The following THNSL1 variants were observed in gnomAD, a reference collection of about 807,000 sequenced individuals.
THNSL1 encodes threonine synthase like 1.
THNSL1 carries 48 observed loss-of-function variants against 50.4 expected under a neutral mutation model. The ratio of observed to expected loss-of-function variants is 0.95; its 90% CI spans 0.76 to 1.21. THNSL1 has a LOEUF of 1.21. Ranked by LOEUF, THNSL1 falls within the 50% of genes most tolerant of loss-of-function variation. THNSL1 has a pLI of 0.00. For missense variants in THNSL1, 896 were observed against 871.7 expected (o/e 1.03, Z -0.35); for synonymous variants, 309 against 306.1 (o/e 1.01, Z -0.10).
upstream of THNSL1, chr10:25,016,029 T>C: frequency 1.3e-6 from 2 of 1,509,822 alleles, no homozygotes; most frequent in Non-Finnish European, 1.8e-6. Flanking sequence ...TCCCCTTTCT[T>C]TCTTCTTCGC....
intron 1 of THNSL1, among the ~76,000 whole-genome samples, chr10:25,020,343 G>A (rs114194063): frequency 4.5e-4 from 68 of 151,798 alleles, no homozygotes; most frequent in African/African-American, 1.6e-3. Flanking sequence ...AGGGTAGAGG[G>A]GAACTAACAT....
upstream of THNSL1, chr10:25,015,954 T>A: frequency 1.9e-6 from 3 of 1,601,718 alleles, no homozygotes; most frequent in Non-Finnish European, 2.6e-6. Context: ...AAATGACTCC[T>A]TAAAAGCTAC....
Position 25,023,621 on chromosome 10 carries a change from G to T in THNSL1, c.398G>T (p.Gly133Val), listed in dbSNP as rs1850769304. The change falls in exon 3 of 3, where the codon GGG becomes GTG. Residue 133 changes from glycine (G) to valine (V), a missense_variant. By Grantham distance (109) the Gly-to-Val change is moderately radical. Coordinates refer to ENST00000376356, the MANE Select transcript of THNSL1 (RefSeq NM_024838.5). The stretch of plus-strand genomic sequence containing the variant: ...TCTGGAAGTGTGATTTCCCTTACTG[G>T]GTCCAATCCAATGCATGATGCTAGC... Reference protein sequence around the residue: ...SASGSVISLTGSNPMHDASMW... With the variant: ...SASGSVISLTVSNPMHDASMW... The T allele has an allele frequency of 1.2e-6, 2 of 1,613,978 alleles. No individual in the cohort carries two copies. The highest frequency in any genetic ancestry group is 1.3e-5 in the African/African-American group (1 of 74,910).
At chr10:24,985,900 G>A in the THNSL1 span, among the ~76,000 whole-genome samples, 10 of 152,052 alleles carry the variant, frequency 6.6e-5, no homozygotes, top group East Asian at 3.9e-4. Flanking sequence ...AAACCCTGTC[G>A]CTACAAAAAA....
At chr10:24,996,281 G>C in the THNSL1 span, among the ~76,000 whole-genome samples, 1 of 152,158 alleles carries the variant, frequency 6.6e-6, no homozygotes, top group Non-Finnish European at 1.5e-5. Context: ...AGTTAGCCAA[G>C]CATGATAGTG....
the THNSL1 span, among the ~76,000 whole-genome samples, chr10:25,009,092 A>T: frequency 1.3e-4 from 20 of 151,454 alleles, no homozygotes; most frequent in African/African-American, 4.3e-4. Context: ...AACATCACAC[A>T]CCGGGGACTG....
Position 25,024,142 on chromosome 10 carries a change from G to C in THNSL1, c.919G>C (p.Ala307Pro). ...ATGTATCCATCCTGCAGACATACCT[G>C]CTGCCAGGTTGGGAGAAATGATTGA... ...ERCIHPADIP[A>P]ARLGEMIETA... The change falls in exon 3 of 3, where the codon GCT becomes CCT. Residue 307 changes from alanine (A) to proline (P), a missense_variant. Physicochemically the swap from Ala to Pro is conservative, Grantham distance 27. Coordinates refer to ENST00000376356, the MANE Select transcript of THNSL1 (RefSeq NM_024838.5). 6.2e-7 allele frequency: 1 copy of C among 1,614,178 alleles called. No individual in the cohort carries two copies. Among genetic ancestry groups the C allele is most frequent in the Non-Finnish European group, 8.5e-7 (1 of 1,180,020 alleles).
the THNSL1 span, among the ~76,000 whole-genome samples, chr10:24,967,728 G>GTGTATGATGTGTGTA: frequency 2.0e-5 from 3 of 151,624 alleles, no homozygotes; most frequent in African/African-American, 7.3e-5. Context: ...TGTGATATGT[G>GTGTATGATGTGTGTA]TGTATGATGT....
chr10:25,022,300 A>G (rs908765849), intron 2 of THNSL1, among the ~76,000 whole-genome samples: 5 of 152,184 alleles, frequency 3.3e-5, no homozygotes, highest in African/African-American at 1.2e-4. Context: ...ATCATTGGAA[A>G]CATTCCTGAG....
At chr10:24,989,167 A>C in the THNSL1 span, among the ~76,000 whole-genome samples, 2 of 152,190 alleles carry the variant, frequency 1.3e-5, no homozygotes, top group Non-Finnish European at 1.5e-5. Context: ...GTACTTTCTG[A>C]AAATGGGAAA....
chr10:24,990,032 T>C, the THNSL1 span, among the ~76,000 whole-genome samples: 4 of 152,274 alleles, frequency 2.6e-5, no homozygotes, highest in South Asian at 2.1e-4. Flanking sequence ...ATTTGCCTTA[T>C]AGGAAAGGAA....
upstream of THNSL1, among the ~76,000 whole-genome samples, chr10:25,014,763 C>G (rs1405032838): frequency 2.0e-5 from 3 of 152,136 alleles, no homozygotes; most frequent in Admixed American, 1.3e-4. Flanking sequence ...TCTTTCCAGT[C>G]TCTAGATGTT....
Position 25,026,544 on chromosome 10 carries a change from C to T in THNSL1, c.*1089C>T. On this transcript the variant is annotated 3_prime_UTR_variant, in exon 3 of 3. Transcript: ENST00000376356. ...CATTGTCTTTTTCTGGCAGCTGAAACTGCACACAACTGATACACATATTTA... is the reference window on the plus strand; with the variant it reads ...CATTGTCTTTTTCTGGCAGCTGAAATTGCACACAACTGATACACATATTTA... 1 of 166,870 alleles carries T rather than the reference C, an allele frequency of 6.0e-6. No homozygotes were observed. 10.3% of individuals were successfully genotyped at this position (166,870 alleles called of 1,614,324 possible). A position where few individuals can be genotyped will look rare whatever the true frequency, so the allele number is the denominator to read the frequency against.
rs1189220048 is a variant in THNSL1, at chr10:25,026,052, T to A, written c.*597T>A. ...CAACACCACACATGGCTAATTTTTT[T>A]ATTTTTAATAGAGATGAGGTTTCGC... On this transcript the variant is annotated 3_prime_UTR_variant, in exon 3 of 3. Transcript: ENST00000376356. 5 of 153,526 alleles carry A rather than the reference T, an allele frequency of 3.3e-5. No individual in the cohort carries two copies. Among genetic ancestry groups the A allele is most frequent in the Admixed American group, 6.5e-5 (1 of 15,298 alleles). The allele number at this position is 153,526 out of a possible 1,614,324, so 9.5% of individuals were successfully genotyped here.
the THNSL1 span, chr10:24,952,579 T>A: frequency 1.9e-6 from 3 of 1,569,816 alleles, no homozygotes; most frequent in South Asian, 3.5e-5. This position sits in a 1 kb window ranked among gnomAD's most constrained non-coding sequence, Gnocchi z 5.1. Flanking sequence ...CGGCCATGTT[T>A]CTCCCGGGGA....
At chr10:24,973,820 C>T in the THNSL1 span, among the ~76,000 whole-genome samples, 3 of 152,006 alleles carry the variant, frequency 2.0e-5, no homozygotes, top group African/African-American at 7.2e-5. Flanking sequence ...GTGGCATGAT[C>T]TCAGCTCACT....
At chr10:24,990,305 G>C in the THNSL1 span, among the ~76,000 whole-genome samples, 1 of 152,208 alleles carries the variant, frequency 6.6e-6, no homozygotes, top group Non-Finnish European at 1.5e-5. Flanking sequence ...TCTCTCCAAA[G>C]AGTCAGCTTT....
chr10:25,022,808 A>G (rs1850751294), intron 2 of THNSL1, among the ~76,000 whole-genome samples: 1 of 152,130 alleles, frequency 6.6e-6, no homozygotes, highest in Non-Finnish European at 1.5e-5. Context: ...CCATGAAATA[A>G]TTTTCATTAA....
the THNSL1 span, among the ~76,000 whole-genome samples, chr10:24,988,254 G>GTA: frequency 5.8e-5 from 8 of 137,294 alleles, no homozygotes; most frequent in Non-Finnish European, 9.1e-5. Flanking sequence ...ATATATATGT[G>GTA]TATATATATA....
Sources: allele counts gnomAD v4.1 joint callset (sites outside exome capture counted in the v4.1 genomes callset), GRCh38; gene constraint gnomAD v4.1.1; non-coding constraint Gnocchi (gnomAD v3.1); transcripts MANE v1.5; gene names NCBI Gene and HGNC (gene_info 2026-07-23, HGNC 2026-07-21).